Variants in CPED1 observed in about 807,000 individuals in gnomAD.
The protein encoded by CPED1 is cadherin-like and PC-esterase domain-containing protein 1.
Under a neutral mutation model 128.2 loss-of-function variants are expected in CPED1, and 114 were observed. That is an observed-to-expected ratio of 0.89 (90% CI 0.76 to 1.04). CPED1 has a LOEUF of 1.04. CPED1 is among the 50% of genes least tolerant of loss of function. The probability of loss-of-function intolerance (pLI) is 0.00; values close to 1 mark genes in which losing one functional copy is unlikely to be tolerated. For missense variants in CPED1, 1,211 were observed against 1,207.1 expected, an observed-to-expected ratio of 1.00 and a Z score of -0.05; for synonymous variants, 462 against 426.7, an observed-to-expected ratio of 1.08 and a Z score of -1.02.
chr7:121,064,023 T>C (rs989249579), intron 4 of CPED1, among the ~76,000 whole-genome samples: 2 of 152,234 alleles, frequency 1.3e-5, no homozygotes, highest in Non-Finnish European at 2.9e-5. Flanking sequence ...GGACCACTTT[T>C]AAAGCTTCCC....
chr7:121,284,374 T>C (rs1163260840), intron 22 of CPED1, among the ~76,000 whole-genome samples: 1 of 152,068 alleles, frequency 6.6e-6, no homozygotes, highest in Non-Finnish European at 1.5e-5. Flanking sequence ...CTGGCTCCTC[T>C]CCAAATCTCA....
chr7:121,084,995 C>A (rs1794385670), intron 5 of CPED1, among the ~76,000 whole-genome samples: 1 of 152,188 alleles, frequency 6.6e-6, no homozygotes, highest in Admixed American at 6.5e-5. Flanking sequence ...GTAGTGACGG[C>A]CCCAAATGCT....
At chr7:121,018,518 C>G (rs976202878) in intron 3 of CPED1, among the ~76,000 whole-genome samples, 2 of 152,060 alleles carry the variant, frequency 1.3e-5, no homozygotes, top group African/African-American at 4.8e-5. Context: ...GTTTACTAAC[C>G]TGCAATTTGA....
At chr7:121,139,905 G>A (rs1450153530) in intron 14 of CPED1, among the ~76,000 whole-genome samples, 1 of 151,902 alleles carries the variant, frequency 6.6e-6, no homozygotes, top group Non-Finnish European at 1.5e-5. Flanking sequence ...CAATTTTACT[G>A]ATTTTTATAG....
intron 16 of CPED1, among the ~76,000 whole-genome samples, chr7:121,154,211 G>A (rs1482881003): frequency 6.6e-6 from 1 of 152,190 alleles, no homozygotes; most frequent in African/African-American, 2.4e-5. Context: ...ATCTCCATAT[G>A]AGGAGTTTAA....
chr7:121,241,407 A>T (rs1798392652), intron 17 of CPED1, among the ~76,000 whole-genome samples: 1 of 146,720 alleles, frequency 6.8e-6, no homozygotes, highest in East Asian at 2.2e-4. Flanking sequence ...ACAGAATTGG[A>T]TGGAAAAATA....
intron 16 of CPED1, among the ~76,000 whole-genome samples, chr7:121,235,269 T>C (rs184256489): frequency 0.011 from 1,659 of 151,948 alleles, 29 homozygotes; most frequent in Non-Finnish European, 0.014. Context: ...TAATAAACTT[T>C]GTGGTTTTTT....
Position 121,050,309 on chromosome 7 carries a change from A to G in CPED1, c.540+3316A>G, listed in dbSNP as rs565381313. 2.0e-5 allele frequency: 3 copies of G among 152,908 alleles called. No homozygotes were observed. In the East Asian group the frequency reaches 5.8e-4, roughly 29 times the overall value. 9.5% of individuals were successfully genotyped at this position (152,908 alleles called of 1,614,324 possible). A position where few individuals can be genotyped will look rare whatever the true frequency, so the allele number is the denominator to read the frequency against. On this transcript the variant is annotated intron_variant, in intron 4 of 22. Coordinates refer to ENST00000310396, the MANE Select transcript of CPED1 (RefSeq NM_024913.5). The stretch of plus-strand genomic sequence containing the variant: ...CTTGCCTTTCTCTCGCTATATACTC[A>G]TACAAATCCTCATTCATATCTCAAA...
intron 18 of CPED1, among the ~76,000 whole-genome samples, chr7:121,265,870 C>A (rs543391195): frequency 1.3e-5 from 2 of 152,164 alleles, no homozygotes; most frequent in African/African-American, 4.8e-5. Context: ...TGGAAAATCC[C>A]TAAGTATTCC....
At chr7:121,265,918 A>G (rs903563282) in intron 18 of CPED1, among the ~76,000 whole-genome samples, 7 of 152,098 alleles carry the variant, frequency 4.6e-5, no homozygotes, top group African/African-American at 1.7e-4. Flanking sequence ...TTGAATCAAT[A>G]GAACTTGTTA....
chr7:121,153,965 A>G (rs1472324526), intron 16 of CPED1, among the ~76,000 whole-genome samples: 1 of 152,220 alleles, frequency 6.6e-6, no homozygotes, highest in Middle Eastern at 3.2e-3. Flanking sequence ...TAAAATATAT[A>G]CAAATCTGTT....
chr7:121,103,114 C>T (rs1188291915), intron 7 of CPED1, among the ~76,000 whole-genome samples: 1 of 152,076 alleles, frequency 6.6e-6, no homozygotes, highest in Admixed American at 6.6e-5. Context: ...AAAAAGAAAT[C>T]TCCTTGTGAT....
chr7:121,111,010 A>G (rs926533640), intron 7 of CPED1, among the ~76,000 whole-genome samples: 5 of 152,170 alleles, frequency 3.3e-5, no homozygotes, highest in Non-Finnish European at 7.3e-5. Context: ...ATGACTCTTC[A>G]GCCATTATTT....
intron 16 of CPED1, among the ~76,000 whole-genome samples, chr7:121,143,537 C>T (rs1293221437): frequency 2.6e-5 from 4 of 151,932 alleles, no homozygotes; most frequent in Admixed American, 2.0e-4. Context: ...GGATTGCTGT[C>T]TCAACTTGCT....
At chr7:121,220,488 A>G (rs748408131) in intron 16 of CPED1, among the ~76,000 whole-genome samples, 8 of 152,022 alleles carry the variant, frequency 5.3e-5, no homozygotes, top group South Asian at 4.1e-4. Flanking sequence ...AAACCTGCCA[A>G]TGCCTCCGTT....
At chr7:121,243,726 TATC>T (rs1373748319) in intron 17 of CPED1, among the ~76,000 whole-genome samples, 2 of 152,156 alleles carry the variant, frequency 1.3e-5, no homozygotes, top group African/African-American at 2.4e-5. Flanking sequence ...AATAATAAAT[TATC>T]ATCATACTGA....
chr7:121,079,081 ATTTCAC>A (rs1794212601), intron 5 of CPED1, among the ~76,000 whole-genome samples: 2 of 152,062 alleles, frequency 1.3e-5, no homozygotes, highest in South Asian at 4.1e-4. Flanking sequence ...AAGTGATTTC[ATTTCAC>A]TTTAACTACC....
intron 17 of CPED1, among the ~76,000 whole-genome samples, chr7:121,237,382 TA>T (rs1386165563): frequency 1.3e-5 from 2 of 151,838 alleles, no homozygotes; most frequent in Non-Finnish European, 2.9e-5. Flanking sequence ...CTCTTTTCAC[TA>T]AAAAAAAGTT....
chr7:121,093,163 G>A (rs769784111), intron 5 of CPED1, among the ~76,000 whole-genome samples: 5 of 152,044 alleles, frequency 3.3e-5, no homozygotes, highest in Admixed American at 6.6e-5. Context: ...CTAGACACTG[G>A]AACTGTTTTT....
Sources: gnomAD v4.1 joint callset for allele counts (sites outside exome capture counted in the v4.1 genomes callset) on GRCh38, gnomAD v4.1.1 for gene constraint, MANE v1.5 for transcripts, NCBI Gene and HGNC (gene_info 2026-07-23, HGNC 2026-07-21) for gene names.